The following ANKFN1 variants were observed in gnomAD, a reference collection of about 807,000 sequenced individuals.
ANKFN1 encodes the protein ankyrin repeat and fibronectin type III domain containing 1.
A neutral mutation model predicts 108.7 loss-of-function variants in ANKFN1; 74 were observed. The observed-to-expected ratio is 0.68, with a 90% CI of 0.56 to 0.83. The LOEUF (loss-of-function observed/expected upper bound fraction) is 0.83. Among genes scored for constraint, ANKFN1 ranks in the 40% least tolerant of loss-of-function variants. The pLI is 0.00. For missense variants in ANKFN1, 1,505 were observed against 1,382.3 expected (o/e 1.09, Z -1.41); for synonymous variants, 547 against 516.2 (o/e 1.06, Z -0.81).
intron 3 of ANKFN1, among the ~76,000 whole-genome samples, chr17:56,252,961 G>T (rs567202997): frequency 2.0e-4 from 31 of 152,288 alleles, no homozygotes; most frequent in African/African-American, 7.0e-4. Context: ...ACTCACGAGG[G>T]TGAGGTGGGG....
intron 8 of ANKFN1, among the ~76,000 whole-genome samples, chr17:56,382,259 A>C (rs1221878206): frequency 1.3e-5 from 2 of 151,682 alleles, no homozygotes; most frequent in African/African-American, 4.9e-5. Context: ...GAAATAAAAT[A>C]CTTACAGACA....
intron 1 of ANKFN1, among the ~76,000 whole-genome samples, chr17:56,165,051 G>A (rs1910021780): frequency 6.6e-6 from 1 of 152,178 alleles, no homozygotes; most frequent in Non-Finnish European, 1.5e-5. Context: ...TTTTCATCCT[G>A]TAAAATAGGT....
At chr17:56,291,978 T>C (rs2044375710) in intron 3 of ANKFN1, among the ~76,000 whole-genome samples, 1 of 152,174 alleles carries the variant, frequency 6.6e-6, no homozygotes, top group Non-Finnish European at 1.5e-5. Flanking sequence ...TTATTATCTT[T>C]AGGGCTGCAC....
chr17:56,142,967 T>C (rs1185232035), intron 4 of ANKFN1, among the ~76,000 whole-genome samples: 1 of 152,154 alleles, frequency 6.6e-6, no homozygotes, highest in East Asian at 1.9e-4. Flanking sequence ...ATCTGATCAC[T>C]CACCCAGGAA....
rs973108050 is a variant in ANKFN1, at chr17:56,048,748, G to T, written c.288+2423G>T. 3.9e-5 allele frequency among the ~76,000 whole-genome samples: 6 copies of T among 152,304 alleles called. No homozygotes were observed. The South Asian group carries it at 1.2e-3, about 32-fold the overall frequency. On this transcript the variant is annotated intron_variant, in intron 4 of 12. Transcript: ENST00000635860. Reference sequence around the variant, plus strand: ...GGGCACCTGAAAATCATGAGCCAGGGTATGCAGGAGGGGAAGCCAGCCTAG... The same window carrying T: ...GGGCACCTGAAAATCATGAGCCAGGTTATGCAGGAGGGGAAGCCAGCCTAG...
intron 14 of ANKFN1, among the ~76,000 whole-genome samples, chr17:56,465,503 C>T (rs2050044224): frequency 6.6e-6 from 1 of 152,292 alleles, no homozygotes; most frequent in South Asian, 2.1e-4. Context: ...ATCTCACCAC[C>T]TCTTATGTGA....
chr17:56,139,918 C>A (rs952974496), intron 4 of ANKFN1, among the ~76,000 whole-genome samples: 2 of 152,212 alleles, frequency 1.3e-5, no homozygotes, highest in Non-Finnish European at 2.9e-5. Flanking sequence ...CCTCTGGCAA[C>A]TGGATTGAAA....
chr17:56,339,197 A>G (rs1046130538), intron 4 of ANKFN1, among the ~76,000 whole-genome samples: 7 of 151,844 alleles, frequency 4.6e-5, no homozygotes, highest in African/African-American at 1.7e-4. Flanking sequence ...TTTCATTGTC[A>G]TTTAAATCAG....
chr17:56,091,418 TCACACACACA>T (rs34588908), intron 4 of ANKFN1, among the ~76,000 whole-genome samples: 2,656 of 136,914 alleles, frequency 0.019, 98 homozygotes, highest in Middle Eastern at 0.051. Context: ...TCCAAACAAA[TCACACACACA>T]CACACACACA....
intron 4 of ANKFN1, among the ~76,000 whole-genome samples, chr17:56,068,289 A>C (rs1163653659): frequency 6.6e-6 from 1 of 152,118 alleles, no homozygotes; most frequent in East Asian, 1.9e-4. Context: ...GAATGATGGA[A>C]CTATTTACAA....
intron 1 of ANKFN1, among the ~76,000 whole-genome samples, chr17:56,168,833 G>C (rs1285214247): frequency 6.6e-6 from 1 of 152,214 alleles, no homozygotes; most frequent in African/African-American, 2.4e-5. Context: ...AGTTACTTTA[G>C]AGGGGTAGAG....
At chr17:56,416,353 A>T (rs992293756) in intron 8 of ANKFN1, among the ~76,000 whole-genome samples, 1 of 152,210 alleles carries the variant, frequency 6.6e-6, no homozygotes, top group African/African-American at 2.4e-5. Context: ...ACAAATCTAC[A>T]GGAAAAAAAA....
intron 8 of ANKFN1, among the ~76,000 whole-genome samples, chr17:56,406,349 A>G (rs1173072444): frequency 6.6e-6 from 1 of 152,202 alleles, no homozygotes; most frequent in African/African-American, 2.4e-5. Flanking sequence ...TGGGCAAATT[A>G]TTTCAATTCT....
intron 8 of ANKFN1, among the ~76,000 whole-genome samples, chr17:56,388,416 G>A (rs2047336386): frequency 6.6e-6 from 1 of 152,138 alleles, no homozygotes. Context: ...ACAGGCATGA[G>A]TCACTGCACC....
intron 8 of ANKFN1, among the ~76,000 whole-genome samples, chr17:56,407,823 T>C (rs1444323538): frequency 1.3e-5 from 2 of 152,228 alleles, no homozygotes; most frequent in African/African-American, 2.4e-5. Flanking sequence ...ATAAAATTTC[T>C]TGATGCTTTC....
chr17:56,116,373 A>G lies in ANKFN1; in HGVS notation c.288+70048A>G, dbSNP rs562087224. 2.6e-5 allele frequency among the ~76,000 whole-genome samples: 4 copies of G among 152,290 alleles called. No individual in the cohort carries two copies. In the South Asian group the frequency reaches 8.3e-4, roughly 32 times the overall value. On this transcript the variant is annotated intron_variant, in intron 4 of 12. Coordinates refer to the ANKFN1 transcript ENST00000635860. Reference sequence around the variant, plus strand: ...ACAATCCAGTGGATAAACAAAAGGTAGTATTGTTTGCATATGGTTTGTTTG... The same window carrying G: ...ACAATCCAGTGGATAAACAAAAGGTGGTATTGTTTGCATATGGTTTGTTTG...
At chr17:56,046,728 T>G (rs946667061) in intron 4 of ANKFN1, among the ~76,000 whole-genome samples, 10 of 152,230 alleles carry the variant, frequency 6.6e-5, no homozygotes, top group African/African-American at 2.4e-4. Context: ...GGCATTTACA[T>G]CCCTCTAGCT....
intron 4 of ANKFN1, among the ~76,000 whole-genome samples, chr17:56,084,146 C>T (rs1395081373): frequency 1.3e-5 from 2 of 150,942 alleles, no homozygotes; most frequent in African/African-American, 4.9e-5. Flanking sequence ...CGAAATTTCT[C>T]AATATTTAAG....
At chr17:56,242,358 C>T (rs886745186) in intron 3 of ANKFN1, among the ~76,000 whole-genome samples, 5 of 152,006 alleles carry the variant, frequency 3.3e-5, no homozygotes, top group Non-Finnish European at 7.4e-5. Context: ...GTATAATATA[C>T]TTAATCTTTT....
Sources: allele counts gnomAD v4.1 joint callset (sites outside exome capture counted in the v4.1 genomes callset), GRCh38; gene constraint gnomAD v4.1.1; transcripts MANE v1.5; gene names NCBI Gene and HGNC (gene_info 2026-07-23, HGNC 2026-07-21).